Variants in NEK2 observed in about 807,000 individuals in gnomAD.
NEK2 encodes NIMA related kinase 2.
A neutral mutation model predicts 54.1 loss-of-function variants in NEK2; 28 were observed. That is an observed-to-expected ratio of 0.52 (90% CI 0.38 to 0.71). NEK2 has a LOEUF of 0.71. NEK2 is among the 30% of genes least tolerant of loss of function. The pLI, the probability that NEK2 is intolerant of heterozygous loss-of-function variation, is 0.00. For synonymous variants in NEK2, 176 were observed against 193.1 expected, an observed-to-expected ratio of 0.91 and a Z score of 0.73; for missense variants, 407 against 531.5, an observed-to-expected ratio of 0.77 and a Z score of 2.30.
intron 1 of NEK2, 100 bp from the exon 2 acceptor site, chr1:211,674,613 C>T (rs953654431): frequency 1.2e-6 from 1 of 844,982 alleles, no homozygotes; most frequent in Non-Finnish European, 1.8e-6. Flanking sequence ...TTAATTATAT[C>T]CTACAATCAA....
chr1:211,669,734 C>G (rs697003), intron 5 of NEK2, among the ~76,000 whole-genome samples: 84,199 of 152,098 alleles, frequency 0.55, 23,772 homozygotes, highest in East Asian at 0.73. Flanking sequence ...CTGTATCCTT[C>G]TCTGTGATCC....
rs749485939 is a variant in NEK2, at chr1:211,669,165, A to G, written c.933T>C (p.Ile311=). The G allele has an allele frequency of 6.2e-7, 1 of 1,613,864 alleles. No individual in the cohort carries two copies. Among genetic ancestry groups the G allele is most frequent in the Non-Finnish European group, 8.5e-7 (1 of 1,179,844 alleles). ...PVLSELKLKE[I]QLQERERALK... ...GAGCTCGCTCTCGCTCCTGTAACTG[A>G]ATTTCCTTCAGTTTCAGCTCACTCA... The change falls in exon 6 of 8, where the codon ATT becomes ATC. Residue 311 remains isoleucine (I), a synonymous_variant. Transcript: ENST00000366999.
chr1:211,661,129 T>C (rs1475106270), downstream of NEK2: 4 of 745,784 alleles, frequency 5.4e-6, no homozygotes, highest in South Asian at 2.7e-5. Context: ...AGCTGGGCGA[T>C]AGCATCTCCT....
At chr1:211,668,115 A>G (rs567195138) in intron 6 of NEK2, among the ~76,000 whole-genome samples, 13 of 152,266 alleles carry the variant, frequency 8.5e-5, no homozygotes, top group African/African-American at 3.1e-4. Context: ...CTTATTTTTT[A>G]CAGAGGTTTC....
intron 7 of NEK2, 33 bp from the exon 8 acceptor site, chr1:211,663,685 T>C (rs1655085969): frequency 1.9e-6 from 3 of 1,596,832 alleles, no homozygotes; most frequent in Non-Finnish European, 2.6e-6. Flanking sequence ...GGCTCTGAGT[T>C]ACTTGAACAG....
chr1:211,671,945 A>G (rs956928530), intron 3 of NEK2, among the ~76,000 whole-genome samples: 2 of 152,354 alleles, frequency 1.3e-5, no homozygotes, highest in Non-Finnish European at 1.5e-5. Context: ...AAAAGGAACA[A>G]AAGAATAGGT....
In NEK2 at chr1:211,674,309, C is replaced by T. The variant is rs1655502818; in HGVS notation, c.301G>A (p.Gly101Arg). The change falls in exon 2 of 8, where the codon GGA becomes AGA. Residue 101 changes from glycine to arginine, a missense_variant. By Grantham distance (125) the Gly-to-Arg change is moderately radical. Transcript: ENST00000366999. Reference protein sequence around the residue: ...GGDLASVITKGTKERQYLDEE... With the variant: ...GGDLASVITKRTKERQYLDEE... ...GATTATGCTTACCTTTCCTTGGTTC[C>T]CTTTGTAATTACACTAGCCAGATCC... The T allele has an allele frequency of 6.2e-7, 1 of 1,609,700 alleles. No individual in the cohort carries two copies. The highest frequency in any genetic ancestry group is 1.1e-5 in the South Asian group (1 of 90,186).
chr1:211,664,569 C>T (rs10158205), intron 7 of NEK2, among the ~76,000 whole-genome samples: 23,292 of 152,058 alleles, frequency 0.15, 1,902 homozygotes, highest in East Asian at 0.22. Context: ...CCTCATACAG[C>T]ATTTCTGAAG....
intron 7 of NEK2, among the ~76,000 whole-genome samples, chr1:211,665,091 C>T (rs572112747): frequency 1.3e-5 from 2 of 152,242 alleles, no homozygotes; most frequent in South Asian, 2.1e-4. Context: ...TCATCAAATA[C>T]GAAAAGAACA....
downstream of NEK2, among the ~76,000 whole-genome samples, chr1:211,659,073 G>C (rs2102435676): frequency 6.6e-6 from 1 of 152,164 alleles, no homozygotes; most frequent in East Asian, 1.9e-4. Context: ...GTACTTTCAT[G>C]GAGTCAAATT....
chr1:211,673,419 C>A lies in NEK2; in HGVS notation c.555+64G>T, dbSNP rs554599258. 122 of 1,592,508 alleles carry A rather than the reference C, an allele frequency of 7.7e-5. 1 individual carries two copies. The African/African-American group carries it at 9.0e-4, about 12-fold the overall frequency. On this transcript the variant is annotated intron_variant, in intron 3 of 7. Coordinates refer to ENST00000366999, the MANE Select transcript of NEK2 (RefSeq NM_002497.4). ...ACAGAGCGAGACTCTGTCTCAAAAA[C>A]AAACAAACAAGAAAACAAAAATAAA... is the stretch of plus-strand genomic sequence containing the variant.
chr1:211,674,731 A>G (rs999235993), intron 1 of NEK2, among the ~76,000 whole-genome samples: 1 of 152,172 alleles, frequency 6.6e-6, no homozygotes, highest in Non-Finnish European at 1.5e-5. Context: ...ACAAACGGGA[A>G]TGAGGCACAT....
Position 211,675,562 on chromosome 1 carries a change from A to C in NEK2, c.-83T>G. ...GCTCCAGGGACCAGGAACTCCAGGG[A>C]CCTGGATGGAGAAGCCCCCGAGCAG... On this transcript the variant is annotated 5_prime_UTR_variant, in exon 1 of 8. Coordinates refer to ENST00000366999, the MANE Select transcript of NEK2 (RefSeq NM_002497.4). 5 of 1,164,900 alleles carry C rather than the reference A, an allele frequency of 4.3e-6. No homozygotes were observed. The highest frequency in any genetic ancestry group is 6.4e-6 in the Non-Finnish European group (5 of 783,260). The allele number at this position is 1,164,900 out of a possible 1,614,324, so 72.2% of individuals were successfully genotyped here.
downstream of NEK2, among the ~76,000 whole-genome samples, chr1:211,659,412 A>T (rs1272097428): frequency 6.6e-6 from 1 of 152,156 alleles, no homozygotes; most frequent in African/African-American, 2.4e-5. Flanking sequence ...GAATATGTTC[A>T]CATTCATTTT....
chr1:211,660,551 C>T (rs954962909), downstream of NEK2: 15 of 632,502 alleles, frequency 2.4e-5, no homozygotes, highest in Admixed American at 1.9e-4. Context: ...AAGAACTCTC[C>T]CATCTCCAGC....
chr1:211,675,324 G>C, intron 1 of NEK2, 60 bp downstream of exon 1: 1 of 1,489,556 alleles, frequency 6.7e-7, no homozygotes. Flanking sequence ...GGCGCAGGGC[G>C]CTCGCCCCGA....
chr1:211,671,808 A>C (rs1655401309), intron 3 of NEK2, among the ~76,000 whole-genome samples: 1 of 152,234 alleles, frequency 6.6e-6, no homozygotes, highest in Non-Finnish European at 1.5e-5. Context: ...TATTCTCAAC[A>C]GAGGGAATAG....
chr1:211,673,650 G>C lies in NEK2; in HGVS notation c.388C>G (p.Arg130Gly). ...LTLALKECHR[R>G]SDGGHTVLHR... ...AATACGGTATGACCACCATCACTTC[G>C]TCTGTGGCATTCCTTCAGGGCCAGA... The change falls in exon 3 of 8, where the codon CGA becomes GGA. Residue 130 changes from arginine to glycine, a missense_variant. Transcript: ENST00000366999. The C allele has an allele frequency of 1.2e-6, 2 of 1,614,084 alleles. No individual in the cohort carries two copies. The highest frequency in any genetic ancestry group is 1.7e-4 in the Middle Eastern group (1 of 6,060).
Position 211,667,161 on chromosome 1 carries a change from C to T in NEK2, c.1056G>A (p.Leu352=). Reference sequence around the variant, plus strand: ...GTTCCTTTAGCAAGCTGTAGTTCTTCAACAGATTTTCTGCTCTAGCCAGTT... The same window carrying T: ...GTTCCTTTAGCAAGCTGTAGTTCTTTAACAGATTTTCTGCTCTAGCCAGTT... The part of the protein sequence containing the change: ...EDKLARAENL[L]KNYSLLKERK... Residue 352 remains leucine, a synonymous_variant, in exon 7 of 8, where the codon TTG becomes TTA. Coordinates refer to ENST00000366999, the MANE Select transcript of NEK2 (RefSeq NM_002497.4). The T allele has an allele frequency of 6.2e-7, 1 of 1,613,716 alleles. No homozygotes were observed. The highest frequency in any genetic ancestry group is 8.5e-7 in the Non-Finnish European group (1 of 1,179,802).
Sources: allele counts gnomAD v4.1 joint callset (sites outside exome capture counted in the v4.1 genomes callset), GRCh38; gene constraint gnomAD v4.1.1; transcripts MANE v1.5; gene names NCBI Gene and HGNC (gene_info 2026-07-23, HGNC 2026-07-21).